LOXHD1: variants seen among roughly 807,000 people sequenced by gnomAD.
The protein encoded by LOXHD1 is lipoxygenase homology PLAT domains 1.
A neutral mutation model predicts 248.2 loss-of-function variants in LOXHD1; 205 were observed. The observed-to-expected ratio is 0.83, with a 90% CI of 0.74 to 0.93. LOXHD1 has a LOEUF of 0.93. Ranked by LOEUF, LOXHD1 falls within the 40% of genes least tolerant of loss-of-function variation. The probability of loss-of-function intolerance (pLI) is 0.00; values close to 1 mark genes in which losing one functional copy is unlikely to be tolerated. For synonymous variants in LOXHD1, 1,113 were observed against 1,162.8 expected, an observed-to-expected ratio of 0.96 and a Z score of 0.87; for missense variants, 2,930 against 2,971.6, an observed-to-expected ratio of 0.99 and a Z score of 0.33.
intron 25 of LOXHD1, 58 bp downstream of exon 25, chr18:46,541,718 G>T: frequency 6.5e-7 from 1 of 1,527,112 alleles, no homozygotes; most frequent in Non-Finnish European, 8.9e-7. Flanking sequence ...GGGCTGAGTT[G>T]GGGTAGCTGG....
At chr18:46,564,399 G>A (rs2037595641) in intron 17 of LOXHD1, among the ~76,000 whole-genome samples, 2 of 152,082 alleles carry the variant, frequency 1.3e-5, no homozygotes, top group Admixed American at 6.5e-5. Flanking sequence ...GGGTGTGGTG[G>A]CACGTGCCTG....
At chr18:46,534,517 A>T (rs2036220394) in intron 26 of LOXHD1, 66 bp from the exon 27 acceptor site, 1 of 1,205,054 alleles carries the variant, frequency 8.3e-7, no homozygotes, top group Non-Finnish European at 1.2e-6. Context: ...CCTTGGCAAC[A>T]TCCTGCTTCC....
At chr18:46,575,029 C>A (rs1478530664) in intron 14 of LOXHD1, among the ~76,000 whole-genome samples, 1 of 152,246 alleles carries the variant, frequency 6.6e-6, no homozygotes, top group Admixed American at 6.5e-5. Flanking sequence ...AGTTCCCTGG[C>A]TTTAAATTCT....
chr18:46,514,053 T>C (rs761360051), intron 34 of LOXHD1, among the ~76,000 whole-genome samples: 6 of 152,194 alleles, frequency 3.9e-5, no homozygotes, highest in South Asian at 4.1e-4. Context: ...CTGGACCTTG[T>C]GCATCCCCTA....
chr18:46,645,028 C>A (rs1348495846), intron 2 of LOXHD1, among the ~76,000 whole-genome samples: 2 of 152,188 alleles, frequency 1.3e-5, no homozygotes, highest in African/African-American at 4.8e-5. Flanking sequence ...AAGGGGAAGG[C>A]TTTCCACATC....
intron 4 of LOXHD1, among the ~76,000 whole-genome samples, chr18:46,633,861 T>A (rs554622207): frequency 6.6e-6 from 1 of 152,338 alleles, no homozygotes; most frequent in Non-Finnish European, 1.5e-5. Flanking sequence ...AATAAGCACA[T>A]GAAGAGATTC....
chr18:46,592,118 C>A (rs766286160), intron 11 of LOXHD1, 50 bp from the exon 12 acceptor site: 42 of 1,550,572 alleles, frequency 2.7e-5, no homozygotes, highest in Non-Finnish European at 3.5e-5. Flanking sequence ...GGATGTTCAC[C>A]GATGCCCTGC....
In LOXHD1 at chr18:46,564,083, GGA is replaced by G. The variant is rs771086283; in HGVS notation, c.2438-860_2438-859del. 3.7e-3 allele frequency among the ~76,000 whole-genome samples: 558 copies of G among 149,050 alleles called. 5 individuals carry two copies. Among genetic ancestry groups the G allele is most frequent in the Middle Eastern group, 0.025 (7 of 284 alleles). On this transcript the variant is annotated intron_variant, in intron 17 of 40. Coordinates refer to ENST00000642948, the MANE Select transcript of LOXHD1 (RefSeq NM_001384474.1). ...GATGTTTTGAAGGCTGGAAGGAGGG[GGA>G]GAGAGAGAGTGTGTGTGTGTGTGTG...
In LOXHD1 at chr18:46,619,200, AT is replaced by A. The variant is rs1568219725; in HGVS notation, c.512-911del. Among the ~76,000 whole-genome samples the A allele has an allele frequency of 2.0e-5, 3 of 152,176 alleles. No homozygotes were observed. The South Asian group carries it at 6.2e-4, about 32-fold the overall frequency. On this transcript the variant is annotated intron_variant, in intron 4 of 40. Transcript: ENST00000642948. Reference sequence around the variant, plus strand: ...TTTTCCCTTCTTACAGTGGCTTCATATTTTTTATGTAGCAGAATCCTTTTTT... The same window carrying A: ...TTTTCCCTTCTTACAGTGGCTTCATATTTTTATGTAGCAGAATCCTTTTTT...
At chr18:46,538,050 G>T in intron 26 of LOXHD1, 106 bp downstream of exon 26, 1 of 1,008,966 alleles carries the variant, frequency 9.9e-7, no homozygotes, top group Non-Finnish European at 1.4e-6. Context: ...CTCTCTAATA[G>T]CAGTGCATCA....
intron 4 of LOXHD1, among the ~76,000 whole-genome samples, chr18:46,636,311 C>T (rs1173006832): frequency 2.0e-5 from 3 of 152,192 alleles, no homozygotes; most frequent in African/African-American, 2.4e-5. Context: ...TGTCAGGCAC[C>T]GTACTGTGCA....
rs112316230 is a variant in LOXHD1 at position 46,540,099 on chromosome 18, A to G, written c.3913+1677T>C. Among the ~76,000 whole-genome samples, 556 of 152,308 alleles carry G rather than the reference A, an allele frequency of 3.7e-3. 2 individuals carry two copies. The highest frequency in any genetic ancestry group is 6.3e-3 in the Non-Finnish European group (430 of 68,024). ...CTTACCTCCTTTAACCCTCACAATG[A>G]CTTGAGGGAGTAGGTATTATTACAC... On this transcript the variant is annotated intron_variant, in intron 25 of 40. Transcript: ENST00000642948.
chr18:46,502,417 A>G (rs1390460264), intron 37 of LOXHD1, among the ~76,000 whole-genome samples: 2 of 152,216 alleles, frequency 1.3e-5, no homozygotes, highest in African/African-American at 4.8e-5. Context: ...AGTTGCAGGC[A>G]GGAAGCAGAG....
At chr18:46,624,439 G>A (rs1236010920) in intron 4 of LOXHD1, among the ~76,000 whole-genome samples, 2 of 152,166 alleles carry the variant, frequency 1.3e-5, no homozygotes, top group Non-Finnish European at 2.9e-5. Context: ...CCCAAGGATG[G>A]GCAGGGGGGA....
intron 25 of LOXHD1, among the ~76,000 whole-genome samples, chr18:46,539,008 C>T (rs138695001): frequency 0.016 from 2,506 of 152,278 alleles, 27 homozygotes; most frequent in Non-Finnish European, 0.021. Flanking sequence ...TTATTGGTCC[C>T]ACCAGGGACT....
intron 14 of LOXHD1, among the ~76,000 whole-genome samples, chr18:46,576,844 G>A (rs961565673): frequency 5.9e-5 from 9 of 152,152 alleles, no homozygotes; most frequent in African/African-American, 2.2e-4. Flanking sequence ...TGCGCCTGTA[G>A]GCACAGGCAT....
chr18:46,602,824 T>C (rs926131784), intron 7 of LOXHD1, among the ~76,000 whole-genome samples: 2 of 152,136 alleles, frequency 1.3e-5, no homozygotes, highest in Non-Finnish European at 2.9e-5. Flanking sequence ...CTAAGATGCA[T>C]GGACAAATGG....
rs56323729 is a variant in LOXHD1, at chr18:46,545,627, C to CTTTTTTTTTTTTTTTTTTTTTTTTTTT, written c.3515-207_3515-206insAAAAAAAAAAAAAAAAAAAAAAAAAAA. 4.4e-4 allele frequency among the ~76,000 whole-genome samples: 41 copies of CTTTTTTTTTTTTTTTTTTTTTTTTTTT among 92,242 alleles called. 2 individuals carry two copies. Among genetic ancestry groups the CTTTTTTTTTTTTTTTTTTTTTTTTTTT allele is most frequent in the African/African-American group, 8.8e-4 (18 of 20,510 alleles). 60.5% of individuals were successfully genotyped at this position (92,242 alleles called of 152,430 possible). ...GTTTCTATGTTCCTCTTGGCCATTT[C>CTTTTTTTTTTTTTTTTTTTTTTTTTTT]TTTTTTTTTTTTTTTTTTTTGAGAC... On this transcript the variant is annotated intron_variant, in intron 22 of 40. Coordinates refer to ENST00000642948, the MANE Select transcript of LOXHD1 (RefSeq NM_001384474.1).
Position 46,592,803 on chromosome 18 carries a change from G to T in LOXHD1, c.1432-219C>A, listed in dbSNP as rs145788590. 2.0e-5 allele frequency among the ~76,000 whole-genome samples: 3 copies of T among 152,282 alleles called. No homozygotes were observed. The East Asian group carries it at 5.8e-4, about 29-fold the overall frequency. On this transcript the variant is annotated intron_variant, in intron 10 of 40. Transcript: ENST00000642948. ...GACAGCCACAGAGGGCAAGGGTTCA[G>T]TCTGGGCCGGTGAAACTGAACAAAA...
Sources: allele counts gnomAD v4.1 joint callset (sites outside exome capture counted in the v4.1 genomes callset), GRCh38; gene constraint gnomAD v4.1.1; transcripts MANE v1.5; gene names NCBI Gene and HGNC (gene_info 2026-07-23, HGNC 2026-07-21).